ANO3: variants seen among roughly 807,000 people sequenced by gnomAD.
ANO3 encodes the protein anoctamin-3.
A neutral mutation model predicts 144.8 loss-of-function variants in ANO3; 99 were observed. That is an observed-to-expected ratio of 0.68 (90% CI 0.58 to 0.81). The LOEUF (loss-of-function observed/expected upper bound fraction) is 0.81, where lower values mean the gene tolerates loss of function less well. Ranked by LOEUF, ANO3 falls within the 30% of genes least tolerant of loss-of-function variation. ANO3 has a pLI of 0.00. For missense variants in ANO3, 905 were observed against 1,202.2 expected (o/e 0.75, Z 3.66); for synonymous variants, 414 against 392.6 (o/e 1.05, Z -0.64).
intron 21 of ANO3, among the ~76,000 whole-genome samples, chr11:26,641,297 C>T (rs1033066111): frequency 5.3e-5 from 8 of 152,190 alleles, no homozygotes; most frequent in Non-Finnish European, 1.2e-4. Flanking sequence ...CCTCATGTTT[C>T]TAAACTCAGA....
intron 14 of ANO3, among the ~76,000 whole-genome samples, chr11:26,582,586 A>C (rs1011892930): frequency 1.3e-5 from 2 of 152,224 alleles, no homozygotes; most frequent in African/African-American, 4.8e-5. Context: ...TAGTATGGCC[A>C]TACTTCTGAG....
At chr11:26,441,596 T>G (rs1454633245) in intron 1 of ANO3, among the ~76,000 whole-genome samples, 1 of 152,182 alleles carries the variant, frequency 6.6e-6, no homozygotes, top group Non-Finnish European at 1.5e-5. Context: ...AATCATAAGG[T>G]TTATTCAAAG....
chr11:26,573,103 A>C (rs1034827126), intron 14 of ANO3, among the ~76,000 whole-genome samples: 22 of 152,144 alleles, frequency 1.4e-4, no homozygotes. Context: ...AATATGCCTG[A>C]GGTTCATACT....
chr11:26,300,147 G>A (rs1435756678), intron 1 of ANO3, among the ~76,000 whole-genome samples: 2 of 151,968 alleles, frequency 1.3e-5, no homozygotes, highest in African/African-American at 4.8e-5. Context: ...CTTCATTTAT[G>A]GTTTAATTGC....
At chr11:26,365,975 T>TTTTTTTTTTA (rs1856063352) in intron 1 of ANO3, among the ~76,000 whole-genome samples, 2 of 87,546 alleles carry the variant, frequency 2.3e-5, no homozygotes, top group Admixed American at 1.1e-4. Context: ...TATATATATA[T>TTTTTTTTTTA]ATATATATAT....
At chr11:26,634,581 C>T (rs113412606) in intron 19 of ANO3, among the ~76,000 whole-genome samples, 1 of 152,150 alleles carries the variant, frequency 6.6e-6, no homozygotes, top group Non-Finnish European at 1.5e-5. Context: ...ATCATCTTAA[C>T]ATTTTTCCAC....
intron 4 of ANO3, among the ~76,000 whole-genome samples, chr11:26,493,149 T>A (rs1860780417): frequency 6.6e-6 from 1 of 152,226 alleles, no homozygotes; most frequent in Admixed American, 6.5e-5. Context: ...TGAATAGGCA[T>A]TCAAAAATTA....
intron 1 of ANO3, among the ~76,000 whole-genome samples, chr11:26,250,142 G>T (rs1485971181): frequency 6.6e-6 from 1 of 152,188 alleles, no homozygotes; most frequent in Non-Finnish European, 1.5e-5. Flanking sequence ...AATATTGGGT[G>T]AACAATAACT....
At chr11:26,445,341 C>T (rs1858664678) in intron 3 of ANO3, among the ~76,000 whole-genome samples, 1 of 152,174 alleles carries the variant, frequency 6.6e-6, no homozygotes, top group Non-Finnish European at 1.5e-5. Context: ...CTAACCTGTC[C>T]TCCAAATTAG....
intron 1 of ANO3, among the ~76,000 whole-genome samples, chr11:26,381,453 C>T (rs1269970245): frequency 1.3e-5 from 2 of 152,144 alleles, no homozygotes; most frequent in East Asian, 3.9e-4. Context: ...TCCTACTACG[C>T]CTACACTTTC....
chr11:26,515,612 A>G (rs925467026), intron 5 of ANO3, among the ~76,000 whole-genome samples: 13 of 152,028 alleles, frequency 8.6e-5, no homozygotes, highest in Non-Finnish European at 1.8e-4. Flanking sequence ...TAGTATATGC[A>G]TATGAAAATG....
At chr11:26,232,880 C>G (rs1262404969) in intron 1 of ANO3, among the ~76,000 whole-genome samples, 1 of 152,020 alleles carries the variant, frequency 6.6e-6, no homozygotes, top group African/African-American at 2.4e-5. Context: ...TGCAAACTAC[C>G]CATCTGACAA....
At chr11:26,619,291 G>A (rs1852346293) in intron 17 of ANO3, among the ~76,000 whole-genome samples, 1 of 151,990 alleles carries the variant, frequency 6.6e-6, no homozygotes, top group Admixed American at 6.5e-5. Flanking sequence ...AGAACAGGTG[G>A]ATCATGGCAT....
At chr11:26,504,116 G>T (rs578097842) in intron 4 of ANO3, among the ~76,000 whole-genome samples, 1 of 152,198 alleles carries the variant, frequency 6.6e-6, no homozygotes, top group African/African-American at 2.4e-5. Flanking sequence ...GCATGGAGAT[G>T]CCTGTAAGCA....
chr11:26,200,176 G>A (rs1377057619), intron 1 of ANO3, among the ~76,000 whole-genome samples: 3 of 152,278 alleles, frequency 2.0e-5, no homozygotes, highest in African/African-American at 4.8e-5. Flanking sequence ...TAATGTTGGA[G>A]CATAAATCAG....
chr11:26,407,028 G>A lies in ANO3; in HGVS notation c.47-34890G>A, dbSNP rs568224956. 2.6e-3 allele frequency among the ~76,000 whole-genome samples: 345 copies of A among 132,052 alleles called. 1 individual carries two copies. Among genetic ancestry groups the A allele is most frequent in the African/African-American group, 9.2e-3 (335 of 36,328 alleles). 86.6% of individuals were successfully genotyped at this position (132,052 alleles called of 152,430 possible). A position where few individuals can be genotyped will look rare whatever the true frequency, so the allele number is the denominator to read the frequency against. ...TATAGGTGTGTATATATATATAGGT[G>A]TGTGTGTATATATATATGGGTGTGT... On this transcript the variant is annotated intron_variant, in intron 1 of 26. Transcript: ENST00000256737.
At chr11:26,195,220 G>C (rs1305908995) in intron 1 of ANO3, among the ~76,000 whole-genome samples, 1 of 152,154 alleles carries the variant, frequency 6.6e-6, no homozygotes, top group Non-Finnish European at 1.5e-5. Context: ...GTCTTAATGA[G>C]GTCAGTAATT....
chr11:26,651,057 A>ATTT, intron 24 of ANO3, among the ~76,000 whole-genome samples: 1 of 152,042 alleles, frequency 6.6e-6, no homozygotes, highest in African/African-American at 2.4e-5. Flanking sequence ...AAGCTTCCCA[A>ATTT]TTTTTTTTCT....
chr11:26,401,343 TG>T (rs1480750590), intron 1 of ANO3, among the ~76,000 whole-genome samples: 4 of 152,034 alleles, frequency 2.6e-5, no homozygotes, highest in Non-Finnish European at 4.4e-5. Flanking sequence ...TTCTCTGTCA[TG>T]ACCTTACATG....
Sources: allele counts gnomAD v4.1 joint callset (sites outside exome capture counted in the v4.1 genomes callset), GRCh38; gene constraint gnomAD v4.1.1; transcripts MANE v1.5; gene names NCBI Gene and HGNC (gene_info 2026-07-23, HGNC 2026-07-21).